The following CRTC3 variants were observed in gnomAD, a reference collection of about 807,000 sequenced individuals.
The protein encoded by CRTC3 is CREB-regulated transcription coactivator 3.
A neutral mutation model predicts 74.5 loss-of-function variants in CRTC3; 26 were observed. The observed-to-expected ratio is 0.35, with a 90% CI of 0.26 to 0.48. The LOEUF (loss-of-function observed/expected upper bound fraction) is 0.48. CRTC3 is among the 20% of genes least tolerant of loss of function. The pLI, the probability that CRTC3 is intolerant of heterozygous loss-of-function variation, is 0.99. For synonymous variants in CRTC3, 377 were observed against 325.8 expected, an observed-to-expected ratio of 1.16 and a Z score of -1.69; for missense variants, 760 against 787.3, an observed-to-expected ratio of 0.97 and a Z score of 0.41.
chr15:90,645,019 C>G lies in CRTC3; in HGVS notation c.*2879C>G, dbSNP rs576041175. 1.7e-5 allele frequency: 4 copies of G among 231,986 alleles called. No individual in the cohort carries two copies. The South Asian group carries it at 5.4e-4, about 32-fold the overall frequency. 14.4% of individuals were successfully genotyped at this position (231,986 alleles called of 1,614,324 possible). A position where few individuals can be genotyped will look rare whatever the true frequency, so the allele number is the denominator to read the frequency against. ...ATGAATTCTCCTTTGTCCTGTTTCT[C>G]CTGTTTCATTTCTCCTCCGCCTGCT... On this transcript the variant is annotated 3_prime_UTR_variant, in exon 15 of 15. Coordinates refer to ENST00000268184, the MANE Select transcript of CRTC3 (RefSeq NM_022769.5).
chr15:90,559,555 G>A (rs879330469), intron 2 of CRTC3, among the ~76,000 whole-genome samples: 3 of 152,140 alleles, frequency 2.0e-5, no homozygotes, highest in Admixed American at 6.5e-5. Context: ...GAGATCATGG[G>A]TGCATTATTT....
chr15:90,565,152 T>C (rs1440292629), intron 2 of CRTC3, among the ~76,000 whole-genome samples: 2 of 152,178 alleles, frequency 1.3e-5, no homozygotes, highest in Non-Finnish European at 2.9e-5. Context: ...TTCTCCATGT[T>C]GGTCAGGCTG....
chr15:90,550,936 C>CAG (rs949159666), intron 2 of CRTC3, among the ~76,000 whole-genome samples: 1 of 151,942 alleles, frequency 6.6e-6, no homozygotes, highest in African/African-American at 2.4e-5. Flanking sequence ...GAGAAGCTTA[C>CAG]GGAATGAAAC....
chr15:90,600,573 C>A (rs11631439), intron 3 of CRTC3: 100,752 of 152,032 alleles, frequency 0.66, 33,854 homozygotes, highest in South Asian at 0.77. Context: ...ACCAGGCGTG[C>A]TATCTGATCT....
intron 9 of CRTC3, among the ~76,000 whole-genome samples, chr15:90,622,799 C>T (rs1336427099): frequency 1.3e-5 from 2 of 149,968 alleles, no homozygotes; most frequent in Admixed American, 6.6e-5. Context: ...TGCAGTGAGC[C>T]AAGATCGCAC....
chr15:90,613,411 G>A (rs890800479), intron 6 of CRTC3, among the ~76,000 whole-genome samples: 6 of 152,040 alleles, frequency 3.9e-5, no homozygotes, highest in Admixed American at 1.3e-4. Context: ...CGACCTCTTC[G>A]TATTCCTGGG....
intron 11 of CRTC3, among the ~76,000 whole-genome samples, chr15:90,633,822 T>C (rs1596146753): frequency 6.6e-6 from 1 of 152,264 alleles, no homozygotes; most frequent in East Asian, 1.9e-4. Flanking sequence ...TTTGTTTTGC[T>C]TTGCTTTCTG....
intron 2 of CRTC3, among the ~76,000 whole-genome samples, chr15:90,588,844 C>G (rs961464537): frequency 1.3e-5 from 2 of 152,182 alleles, no homozygotes; most frequent in African/African-American, 4.8e-5. Context: ...TCCTCCTTTC[C>G]AATGTCCGGG....
chr15:90,575,347 G>A lies in CRTC3; in HGVS notation c.232-18289G>A, dbSNP rs146319844. On this transcript the variant is annotated intron_variant, in intron 2 of 14. Transcript: ENST00000268184. ...GACTGGGCTAGAAGGATGAAACTCC[G>A]TCTCAAAAAAAAGAAAAGTTAATGC... Among the ~76,000 whole-genome samples, 144 of 152,148 alleles carry A rather than the reference G, an allele frequency of 9.5e-4. 2 individuals carry two copies. Among genetic ancestry groups the A allele is most frequent in the African/African-American group, 3.3e-3 (135 of 41,536 alleles).
intron 6 of CRTC3, among the ~76,000 whole-genome samples, chr15:90,610,801 A>T (rs940738700): frequency 6.6e-6 from 1 of 152,126 alleles, no homozygotes; most frequent in African/African-American, 2.4e-5. Flanking sequence ...GACATCGGGC[A>T]TGTGGAGGAG....
intron 2 of CRTC3, among the ~76,000 whole-genome samples, chr15:90,553,201 C>G (rs983734051): frequency 1.3e-5 from 2 of 152,032 alleles, no homozygotes; most frequent in Admixed American, 6.5e-5. Context: ...TGTCTGAATT[C>G]TTTTTAAGAG....
At chr15:90,539,621 A>T in intron 1 of CRTC3, 1 of 214,552 alleles carries the variant, frequency 4.7e-6, no homozygotes, top group Admixed American at 6.0e-5. Flanking sequence ...CTATCTTATG[A>T]TCACAGCTAT....
intron 2 of CRTC3, among the ~76,000 whole-genome samples, chr15:90,568,080 G>C (rs1967167747): frequency 6.6e-6 from 1 of 152,158 alleles, no homozygotes; most frequent in South Asian, 2.1e-4. Context: ...GACTTTGAGG[G>C]GTTCAAGACT....
At chr15:90,638,869 G>A in intron 13 of CRTC3, 54 bp downstream of exon 13, 1 of 1,432,072 alleles carries the variant, frequency 7.0e-7, no homozygotes, top group Non-Finnish European at 9.8e-7. Flanking sequence ...GTACCATTTA[G>A]GTTGTTCATT....
At chr15:90,593,251 T>A (rs887587019) in intron 2 of CRTC3, among the ~76,000 whole-genome samples, 2 of 152,202 alleles carry the variant, frequency 1.3e-5, no homozygotes, top group Admixed American at 1.3e-4. Flanking sequence ...TAAAAGACAC[T>A]GTGCAGAACA....
intron 2 of CRTC3, among the ~76,000 whole-genome samples, chr15:90,548,127 G>A (rs1013601862): frequency 1.3e-5 from 2 of 150,596 alleles, no homozygotes; most frequent in Non-Finnish European, 3.0e-5. Context: ...GAGCTCAAGC[G>A]ATCCACCCGC....
rs1205145411 is a variant in CRTC3, at chr15:90,641,889, G to A, written c.1652-43G>A. The A allele has an allele frequency of 4.5e-5, 71 of 1,576,362 alleles. No individual in the cohort carries two copies. The East Asian group carries it at 5.8e-4, about 13-fold the overall frequency. Reference sequence around the variant, plus strand: ...TTGCTTAGTAGCCTGGAGCCTTCGCGCCTCCTAACCGCACTGTTTTCCCCT... The same window carrying A: ...TTGCTTAGTAGCCTGGAGCCTTCGCACCTCCTAACCGCACTGTTTTCCCCT... On this transcript the variant is annotated intron_variant, in intron 14 of 14. Transcript: ENST00000268184.
intron 1 of CRTC3, among the ~76,000 whole-genome samples, chr15:90,535,231 T>C (rs978588207): frequency 3.3e-5 from 5 of 151,030 alleles, no homozygotes; most frequent in African/African-American, 1.2e-4. Context: ...ACTAAGGAAC[T>C]ACACCATTTG....
intron 6 of CRTC3, 95 bp from the exon 7 acceptor site, chr15:90,614,358 A>G (rs780695711): frequency 1.1e-5 from 10 of 904,462 alleles, no homozygotes; most frequent in Non-Finnish European, 1.7e-5. Flanking sequence ...TCAAAATTCT[A>G]TTTCAAATCA....
Sources: gnomAD v4.1 joint callset for allele counts (sites outside exome capture counted in the v4.1 genomes callset) on GRCh38, gnomAD v4.1.1 for gene constraint, MANE v1.5 for transcripts, NCBI Gene and HGNC (gene_info 2026-07-23, HGNC 2026-07-21) for gene names.